The following RIN3 variants were observed in gnomAD, a reference collection of about 807,000 sequenced individuals.
The protein encoded by RIN3 is RAB5 interacting protein 3.
Under a neutral mutation model 76.3 loss-of-function variants are expected in RIN3, and 54 were observed. That is an observed-to-expected ratio of 0.71 (90% CI 0.57 to 0.89). The LOEUF is 0.89. RIN3 is among the 40% of genes least tolerant of loss of function. The pLI, the probability that RIN3 is intolerant of heterozygous loss-of-function variation, is 0.00. For missense variants in RIN3, 1,256 were observed against 1,322.1 expected (o/e 0.95, Z 0.78); for synonymous variants, 576 against 564.0 (o/e 1.02, Z -0.30).
chr14:92,584,527 G>A (rs1428597179), intron 3 of RIN3, among the ~76,000 whole-genome samples: 1 of 152,184 alleles, frequency 6.6e-6, no homozygotes, highest in African/African-American at 2.4e-5. Context: ...TGCATCCCCA[G>A]TCCTCCTCTC....
intron 8 of RIN3, among the ~76,000 whole-genome samples, chr14:92,677,237 T>C (rs1888499291): frequency 6.6e-6 from 1 of 152,122 alleles, no homozygotes; most frequent in South Asian, 2.1e-4. Context: ...CATGCTCAGT[T>C]TCCCTTCCCC....
chr14:92,552,726 A>G (rs1172612635), intron 1 of RIN3, among the ~76,000 whole-genome samples: 1 of 152,082 alleles, frequency 6.6e-6, no homozygotes, highest in Non-Finnish European at 1.5e-5. Context: ...CTGGCCACCC[A>G]GTTTGGAACT....
Position 92,688,058 on chromosome 14 carries a change from C to A in RIN3, c.2764C>A (p.Arg922=). 2.5e-6 allele frequency: 4 copies of A among 1,602,486 alleles called. No homozygotes were observed. Among genetic ancestry groups the A allele is most frequent in the East Asian group, 2.3e-5 (1 of 44,434 alleles). The change falls in exon 10 of 10, where the codon CGG becomes AGG. Residue 922 remains arginine, a synonymous_variant. Coordinates refer to ENST00000216487, the MANE Select transcript of RIN3 (RefSeq NM_024832.5). ...CGCGGTGGAGCGGCCGCAGGCGCAC[C>A]GGCTGTTCGTGCTGGTGGACGGGCG... The part of the protein sequence containing the change: ...KFAVERPQAH[R]LFVLVDGRCF...
intron 3 of RIN3, among the ~76,000 whole-genome samples, chr14:92,606,374 A>G (rs1439623280): frequency 1.3e-5 from 2 of 151,970 alleles, no homozygotes; most frequent in Admixed American, 6.6e-5. Flanking sequence ...CCCCATATCT[A>G]CAACAACAAT....
At chr14:92,553,052 G>T (rs1897478465) in intron 1 of RIN3, among the ~76,000 whole-genome samples, 1 of 149,588 alleles carries the variant, frequency 6.7e-6, no homozygotes, top group Non-Finnish European at 1.5e-5. Context: ...AAAAAAATGG[G>T]GATGAGCCCA....
chr14:92,618,198 C>T (rs920897082), intron 4 of RIN3, among the ~76,000 whole-genome samples: 7 of 152,170 alleles, frequency 4.6e-5, no homozygotes, highest in Non-Finnish European at 7.4e-5. Flanking sequence ...TAAAAGTACA[C>T]CCCATAAGTG....
chr14:92,531,932 C>CTT (rs535083345), intron 1 of RIN3, among the ~76,000 whole-genome samples: 5 of 142,704 alleles, frequency 3.5e-5, no homozygotes, highest in South Asian at 2.3e-4. Flanking sequence ...CATCTCTTAT[C>CTT]TTTTTTTTTT....
At chr14:92,538,678 A>G (rs1013534525) in intron 1 of RIN3, among the ~76,000 whole-genome samples, 4 of 152,224 alleles carry the variant, frequency 2.6e-5, no homozygotes, top group Admixed American at 1.3e-4. Context: ...AGCCAGAACA[A>G]GAGTGCAGAG....
chr14:92,594,055 A>G (rs1885073426), intron 3 of RIN3, among the ~76,000 whole-genome samples: 1 of 152,296 alleles, frequency 6.6e-6, no homozygotes, highest in South Asian at 2.1e-4. Context: ...AACAGAATGC[A>G]CATTCTTTTG....
chr14:92,604,841 C>G (rs7140605), intron 3 of RIN3, among the ~76,000 whole-genome samples: 4,163 of 151,272 alleles, frequency 0.028, 207 homozygotes, highest in African/African-American at 0.097. Flanking sequence ...TCCCAGGGCC[C>G]ATATACCGGC....
chr14:92,653,718 G>C (rs576504212), intron 6 of RIN3, among the ~76,000 whole-genome samples: 3 of 152,098 alleles, frequency 2.0e-5, no homozygotes, highest in African/African-American at 4.8e-5. Context: ...ACACGCCTAC[G>C]TATATTAAAA....
At chr14:92,606,544 C>CA (rs1189184754) in intron 3 of RIN3, among the ~76,000 whole-genome samples, 1 of 149,950 alleles carries the variant, frequency 6.7e-6, no homozygotes, top group East Asian at 1.9e-4. Context: ...GACCCTGTCT[C>CA]AAAAAATAAA....
In RIN3 at chr14:92,685,985, A is replaced by C. The variant is rs927449913; in HGVS notation, c.2631+835A>C. On this transcript the variant is annotated intron_variant, in intron 9 of 9. Transcript: ENST00000216487. The surrounding 1 kb of genome is among the most constrained non-coding windows in gnomAD (Gnocchi z 4.7). ...ATGAAGCTGTCACCTCTGGGAGGGCACAGCCCATGGTTCACATGCCTCAGG... is the reference window on the plus strand; with the variant it reads ...ATGAAGCTGTCACCTCTGGGAGGGCCCAGCCCATGGTTCACATGCCTCAGG... 3 of 152,496 alleles carry C rather than the reference A, an allele frequency of 2.0e-5. No individual in the cohort carries two copies. Among genetic ancestry groups the C allele is most frequent in the Non-Finnish European group, 4.4e-5 (3 of 68,268 alleles). 9.4% of individuals were successfully genotyped at this position (152,496 alleles called of 1,614,324 possible).
intron 3 of RIN3, among the ~76,000 whole-genome samples, chr14:92,604,227 C>T (rs370147968): frequency 9.9e-5 from 15 of 152,276 alleles, no homozygotes; most frequent in Admixed American, 6.5e-4. Context: ...GCCCTGCAGG[C>T]GCCCCCCCTC....
chr14:92,662,093 C>A (rs1182667408), intron 7 of RIN3, among the ~76,000 whole-genome samples: 1 of 152,208 alleles, frequency 6.6e-6, no homozygotes, highest in Admixed American at 6.5e-5. Flanking sequence ...GGGCTGGGAC[C>A]CAGGGAAAGA....
chr14:92,632,952 C>T (rs755550197), intron 4 of RIN3, among the ~76,000 whole-genome samples: 11 of 152,150 alleles, frequency 7.2e-5, no homozygotes, highest in Non-Finnish European at 1.6e-4. Context: ...GACTTCCTTC[C>T]GCAGGTGCTG....
rs1344127132 is a variant in RIN3, at chr14:92,568,163, C to T, written c.250-9197C>T. Among the ~76,000 whole-genome samples, 1 of 151,996 alleles carries T rather than the reference C, an allele frequency of 6.6e-6. No individual in the cohort carries two copies. Among genetic ancestry groups the T allele is most frequent in the Admixed American group, 6.5e-5 (1 of 15,270 alleles). On this transcript the variant is annotated intron_variant, in intron 2 of 9. Transcript: ENST00000216487. The surrounding 1 kb of genome is among the most constrained non-coding windows in gnomAD (Gnocchi z 4.2). ...GGCAGAAAGGGAGAAGTAAGGTGGG[C>T]TTTGAGACTTTTCACATGGAAACCC...
chr14:92,631,903 C>A (rs540785551), intron 4 of RIN3, among the ~76,000 whole-genome samples: 2 of 152,234 alleles, frequency 1.3e-5, no homozygotes, highest in African/African-American at 2.4e-5. Context: ...TGTCTCAGAC[C>A]GGGGTTTGAG....
At position 92,569,467 on chromosome 14, in the gene RIN3, A is replaced by G. The variant is rs1898003794; in HGVS notation, c.250-7893A>G. Among the ~76,000 whole-genome samples, 3 of 152,064 alleles carry G rather than the reference A, an allele frequency of 2.0e-5. No homozygotes were observed. In the South Asian group the frequency reaches 6.2e-4, roughly 32 times the overall value. On this transcript the variant is annotated intron_variant, in intron 2 of 9. Transcript: ENST00000216487. ...CACGGAGGCTCAGAGAAACCATACA[A>G]TCACCCAGGGTCCCAGGGCTAGTAA...
Sources: gnomAD v4.1 joint callset for allele counts (sites outside exome capture counted in the v4.1 genomes callset) on GRCh38, gnomAD v4.1.1 for gene constraint, Gnocchi (gnomAD v3.1) non-coding constraint, MANE v1.5 for transcripts, NCBI Gene and HGNC (gene_info 2026-07-23, HGNC 2026-07-21) for gene names.